The following GJC1 variants were observed in gnomAD, a reference collection of about 807,000 sequenced individuals.
GJC1 encodes gap junction protein gamma 1, also known as gap junction gamma-1 protein.
A neutral mutation model predicts 29.3 loss-of-function variants in GJC1; 5 were observed. The observed-to-expected ratio is 0.17, with a 90% CI of 0.09 to 0.36. GJC1 has a LOEUF of 0.36. Ranked by LOEUF, GJC1 falls within the 10% of genes least tolerant of loss-of-function variation. The pLI is 1.00. For missense variants in GJC1, 310 were observed against 496.2 expected, an observed-to-expected ratio of 0.62 and a Z score of 3.56; for synonymous variants, 177 against 183.3, an observed-to-expected ratio of 0.97 and a Z score of 0.28.
At chr17:44,814,002 A>T (rs1418742772) in intron 1 of GJC1, among the ~76,000 whole-genome samples, 1 of 152,190 alleles carries the variant, frequency 6.6e-6, no homozygotes, top group African/African-American at 2.4e-5. Context: ...CAGAGAAATT[A>T]AGATCATTTC....
chr17:44,824,685 C>T (rs575508738), intron 1 of GJC1, among the ~76,000 whole-genome samples: 14 of 151,612 alleles, frequency 9.2e-5, no homozygotes, highest in Admixed American at 9.2e-4. Context: ...CAGCATGCGC[C>T]AGTAGTCCCA....
rs1031861444 is a variant in GJC1 at position 44,802,793 on chromosome 17, G to A, written c.*1834C>T. On this transcript the variant is annotated 3_prime_UTR_variant, in exon 3 of 3. Coordinates refer to ENST00000592524, the MANE Select transcript of GJC1 (RefSeq NM_005497.4). ...GAGGATCACTTGAACCCAAAAGTTC[G>A]AGACCAGCCTGGGTAACATAGTGAG... 4.6e-5 allele frequency: 7 copies of A among 152,166 alleles called. No individual in the cohort carries two copies. Among genetic ancestry groups the A allele is most frequent in the Admixed American group, 2.0e-4 (3 of 15,266 alleles). The allele number at this position is 152,166 out of a possible 1,614,324, so 9.4% of individuals were successfully genotyped here.
At chr17:44,824,702 T>C (rs1165191593) in intron 1 of GJC1, among the ~76,000 whole-genome samples, 1 of 150,968 alleles carries the variant, frequency 6.6e-6, no homozygotes, top group Non-Finnish European at 1.5e-5. Flanking sequence ...CCCAATTACT[T>C]GGGAGGCTGA....
chr17:44,805,224 C>T lies in GJC1; in HGVS notation c.594G>A (p.Leu198=), dbSNP rs1163722259. ...EVGFLIGQYF[L]YGFQVHPFYV... ...AAAACGGGTGGACTTGGAAGCCATA[C>T]AGAAAATACTGCCCTATCAGAAAAC... The change falls in exon 3 of 3, where the codon CTG becomes CTA. Residue 198 remains leucine (L), a synonymous_variant. Coordinates refer to ENST00000592524, the MANE Select transcript of GJC1 (RefSeq NM_005497.4). This position sits in a 1 kb window ranked among gnomAD's most constrained non-coding sequence, Gnocchi z 5.1. 1 of 1,614,144 alleles carries T rather than the reference C, an allele frequency of 6.2e-7. No individual in the cohort carries two copies. Among genetic ancestry groups the T allele is most frequent in the South Asian group, 1.1e-5 (1 of 91,086 alleles).
At chr17:44,827,946 T>G (rs1416407647) in intron 1 of GJC1, among the ~76,000 whole-genome samples, 1 of 152,126 alleles carries the variant, frequency 6.6e-6, no homozygotes, top group Non-Finnish European at 1.5e-5. Context: ...AAAGCAATAT[T>G]TTTTGGAACT....
At chr17:44,815,840 G>A (rs534651779) in intron 1 of GJC1, among the ~76,000 whole-genome samples, 6 of 152,046 alleles carry the variant, frequency 3.9e-5, no homozygotes, top group Non-Finnish European at 5.9e-5. Context: ...AACTTGGGGC[G>A]CGGTGGCTCA....
upstream of GJC1, chr17:44,830,763 A>G (rs2050224817): frequency 1.5e-5 from 6 of 398,490 alleles, no homozygotes; most frequent in East Asian, 1.8e-4. The surrounding 1 kb of genome is among the most constrained non-coding windows in gnomAD (Gnocchi z 4.3). Flanking sequence ...TTCCTCGAGG[A>G]TCTGGCGGGC....
intron 2 of GJC1, among the ~76,000 whole-genome samples, chr17:44,806,841 T>C (rs1380758055): frequency 6.6e-6 from 1 of 151,790 alleles, no homozygotes; most frequent in East Asian, 1.9e-4. Flanking sequence ...TGGACTCCAC[T>C]GTGAAGGGGT....
intron 1 of GJC1, among the ~76,000 whole-genome samples, chr17:44,824,438 A>C (rs1232017155): frequency 6.6e-6 from 1 of 152,008 alleles, no homozygotes; most frequent in African/African-American, 2.4e-5. Context: ...AGCTGAAACC[A>C]CAGGTGTATG....
rs1299055242 is a variant in GJC1, at chr17:44,803,208, G to A, written c.*1419C>T. The A allele has an allele frequency of 6.6e-6, 1 of 152,140 alleles. No individual in the cohort carries two copies. Among genetic ancestry groups the A allele is most frequent in the Non-Finnish European group, 1.5e-5 (1 of 68,030 alleles). 9.4% of individuals were successfully genotyped at this position (152,140 alleles called of 1,614,324 possible). Reference sequence around the variant, plus strand: ...ACAACAGCTTTCATTAGAAAAGGGTGAGACGCCCAAATAAAATGCTCCCTG... The same window carrying A: ...ACAACAGCTTTCATTAGAAAAGGGTAAGACGCCCAAATAAAATGCTCCCTG... On this transcript the variant is annotated 3_prime_UTR_variant, in exon 3 of 3. Transcript: ENST00000592524.
chr17:44,805,565 C>T lies in GJC1; in HGVS notation c.253G>A (p.Ala85Thr). 1.9e-6 allele frequency: 3 copies of T among 1,614,118 alleles called. No individual in the cohort carries two copies. Among genetic ancestry groups the T allele is most frequent in the Non-Finnish European group, 2.5e-6 (3 of 1,180,012 alleles). ...RFWVFQIILV[A>T]TPSVMYLGYA... is the part of the protein sequence containing the mutation. ...CCCAGGTACATCACAGAGGGAGTTG[C>T]CACCAGGATGATCTGGAACACCCAG... The change falls in exon 3 of 3, where the codon GCA becomes ACA. Residue 85 changes from alanine to threonine, a missense_variant. Coordinates refer to ENST00000592524, the MANE Select transcript of GJC1 (RefSeq NM_005497.4). The surrounding 1 kb of genome is among the most constrained non-coding windows in gnomAD (Gnocchi z 5.1).
intron 1 of GJC1, among the ~76,000 whole-genome samples, chr17:44,808,766 A>C (rs373768025): frequency 2.6e-5 from 4 of 152,068 alleles, no homozygotes; most frequent in Admixed American, 1.3e-4. Flanking sequence ...AAAAATAAAG[A>C]AGCAAAAAGA....
At chr17:44,794,823 G>T (rs2145271148), downstream of GJC1, 2 of 152,288 alleles carry the variant, frequency 1.3e-5, no homozygotes, top group South Asian at 2.1e-4. Context: ...AAAGATACTT[G>T]TGGCGGTTTG....
Position 44,803,039 on chromosome 17 carries a change from G to A in GJC1, c.*1588C>T, listed in dbSNP as rs570216351. ...TCCTTAAGTTTCTTTTTTTTGGTGG[G>A]GGTAGGAATGCAGTAGAGAAACAAA... On this transcript the variant is annotated 3_prime_UTR_variant, in exon 3 of 3. Transcript: ENST00000592524. The A allele has an allele frequency of 2.4e-4, 37 of 152,090 alleles. No individual in the cohort carries two copies. The highest frequency in any genetic ancestry group is 8.0e-4 in the African/African-American group (33 of 41,476). 9.4% of individuals were successfully genotyped at this position (152,090 alleles called of 1,614,324 possible).
At position 44,801,733 on chromosome 17, in the gene GJC1, AGCTGGGATTGCAG is replaced by A. The variant is rs1243500693; in HGVS notation, c.*2881_*2893del. The A allele has an allele frequency of 2.0e-5, 3 of 151,930 alleles. No individual in the cohort carries two copies. Among genetic ancestry groups the A allele is most frequent in the Non-Finnish European group, 2.9e-5 (2 of 68,120 alleles). The allele number at this position is 151,930 out of a possible 1,614,324, so 9.4% of individuals were successfully genotyped here. Reference sequence around the variant, plus strand: ...ATTCTCCTGCCTCAACCTCCCAAGTAGCTGGGATTGCAGGCGTCCACCCAGCACTCCTGGCTAA... The same window carrying A: ...ATTCTCCTGCCTCAACCTCCCAAGTAGCGTCCACCCAGCACTCCTGGCTAA... On this transcript the variant is annotated 3_prime_UTR_variant, in exon 3 of 3. Coordinates refer to ENST00000592524, the MANE Select transcript of GJC1 (RefSeq NM_005497.4).
At chr17:44,818,803 G>C (rs1367488821) in intron 1 of GJC1, among the ~76,000 whole-genome samples, 2 of 151,574 alleles carry the variant, frequency 1.3e-5, no homozygotes, top group African/African-American at 2.4e-5. Context: ...ACTCCATCTG[G>C]GGGTGTGGGG....
At chr17:44,815,620 G>A (rs888218643) in intron 1 of GJC1, among the ~76,000 whole-genome samples, 1 of 151,950 alleles carries the variant, frequency 6.6e-6, no homozygotes, top group African/African-American at 2.4e-5. Context: ...TTCTAAGACA[G>A]TAGGATACGT....
chr17:44,821,697 C>CAGAAAAAAAAA (rs2050107781), intron 1 of GJC1, among the ~76,000 whole-genome samples: 1 of 58,370 alleles, frequency 1.7e-5, no homozygotes, highest in African/African-American at 7.8e-5. Flanking sequence ...AACTCCGTCT[C>CAGAAAAAAAAA]AAAAAAAAAA....
In GJC1 at chr17:44,820,252, G is replaced by A. The variant is rs138776504; in HGVS notation, c.-97+9810C>T. On this transcript the variant is annotated intron_variant, in intron 1 of 2. Coordinates refer to ENST00000592524, the MANE Select transcript of GJC1 (RefSeq NM_005497.4). ...GCTGGGATTACAGGCGTGAGCCACG[G>A]CTCCTGGGCGAAAAGTGATTCTTAA... is the stretch of plus-strand genomic sequence containing the variant. Among the ~76,000 whole-genome samples the A allele has an allele frequency of 5.7e-3, 868 of 152,276 alleles. 5 individuals are homozygous for A. The highest frequency in any genetic ancestry group is 0.031 in the Middle Eastern group (9 of 294).
Sources: gnomAD v4.1 joint callset for allele counts (sites outside exome capture counted in the v4.1 genomes callset) on GRCh38, gnomAD v4.1.1 for gene constraint, Gnocchi (gnomAD v3.1) non-coding constraint, MANE v1.5 for transcripts, NCBI Gene and HGNC (gene_info 2026-07-23, HGNC 2026-07-21) for gene names.